Variants in LTN1 observed in about 807,000 individuals in gnomAD.
LTN1 encodes the protein E3 ubiquitin-protein ligase listerin.
LTN1 carries 88 observed loss-of-function variants against 201.2 expected under a neutral mutation model. That is an observed-to-expected ratio of 0.44 (90% confidence interval 0.37 to 0.52). The LOEUF is 0.52. Ranked by LOEUF, LTN1 falls within the 20% of genes least tolerant of loss-of-function variation. The pLI, the probability that LTN1 is intolerant of heterozygous loss-of-function variation, is 0.00. For synonymous variants in LTN1, 645 were observed against 713.5 expected (o/e 0.90, Z 1.53); for missense variants, 1,752 against 2,038.7 (o/e 0.86, Z 2.71).
chr21:28,956,987 C>G (rs765777079), intron 15 of LTN1, 39 bp from the exon 16 acceptor site: 55 of 1,264,650 alleles, frequency 4.3e-5, no homozygotes, highest in Non-Finnish European at 8.7e-6. Flanking sequence ...TTATTTATTA[C>G]CTAAGCAATT....
intron 26 of LTN1, among the ~76,000 whole-genome samples, chr21:28,935,668 G>T (rs1185782469): frequency 6.6e-6 from 1 of 151,832 alleles, no homozygotes; most frequent in Non-Finnish European, 1.5e-5. Context: ...GTGAAACCCC[G>T]TCTCTACTAA....
intron 11 of LTN1, chr21:28,961,540 GA>G (rs1003787025): frequency 1.8e-3 from 286 of 156,200 alleles, no homozygotes; most frequent in Non-Finnish European, 2.7e-4. Flanking sequence ...CAATCTGGAA[GA>G]AAAAAAAAAA....
At chr21:28,931,656 C>G (rs1189946633) in intron 28 of LTN1, among the ~76,000 whole-genome samples, 1 of 152,188 alleles carries the variant, frequency 6.6e-6, no homozygotes, top group Non-Finnish European at 1.5e-5. Context: ...ATGAAATTAT[C>G]TCAAATGATT....
chr21:28,950,961 T>C (rs1454590735), intron 18 of LTN1, among the ~76,000 whole-genome samples: 2 of 152,180 alleles, frequency 1.3e-5, no homozygotes, highest in African/African-American at 4.8e-5. Flanking sequence ...AATGAAACTG[T>C]TCTGGACTTG....
intron 10 of LTN1, 151 bp from the exon 11 acceptor site, chr21:28,966,057 G>A (rs893473493): frequency 2.1e-5 from 13 of 610,980 alleles, no homozygotes; most frequent in African/African-American, 5.7e-5. Context: ...ACATGCATGC[G>A]CCAACATGCC....
Position 28,931,327 on chromosome 21 carries a change from T to C in LTN1, c.5071-5A>G. The C allele has an allele frequency of 6.4e-7, 1 of 1,566,178 alleles. No homozygotes were observed. Among genetic ancestry groups the C allele is most frequent in the Non-Finnish European group, 8.7e-7 (1 of 1,154,088 alleles). On this transcript the variant is annotated splice_region_variant and splice_polypyrimidine_tract_variant and intron_variant, in intron 28 of 29. Coordinates refer to ENST00000361371, the MANE Select transcript of LTN1 (RefSeq NM_015565.3). ...GCCTTCCATAATACTTCCATTCTGT[T>C]AACAAGAAGAAAAATAAGTCACTAC...
Position 28,930,245 on chromosome 21 carries a change from G to GA in LTN1, c.*202dup, listed in dbSNP as rs2084200441. 2.5e-6 allele frequency: 1 copy of GA among 401,788 alleles called. No individual in the cohort carries two copies. The highest frequency in any genetic ancestry group is 3.7e-5 in the East Asian group (1 of 26,776). 24.9% of individuals were successfully genotyped at this position (401,788 alleles called of 1,614,324 possible). A position where few individuals can be genotyped will look rare whatever the true frequency, so the allele number is the denominator to read the frequency against. On this transcript the variant is annotated 3_prime_UTR_variant, in exon 30 of 30. Coordinates refer to ENST00000361371, the MANE Select transcript of LTN1 (RefSeq NM_015565.3). Reference sequence around the variant, plus strand: ...AAATATGTAATATTCTTTTGTAAAAGAAAGTTTCCAAACATTTACAAAGCA... The same window carrying GA: ...AAATATGTAATATTCTTTTGTAAAAGAAAAGTTTCCAAACATTTACAAAGCA...
Position 28,992,854 on chromosome 21 carries a change from T to G in LTN1, c.-49A>C. The G allele has an allele frequency of 1.2e-6, 2 of 1,613,984 alleles. No homozygotes were observed. Among genetic ancestry groups the G allele is most frequent in the Non-Finnish European group, 1.7e-6 (2 of 1,179,942 alleles). On this transcript the variant is annotated 5_prime_UTR_variant, in exon 1 of 30. Coordinates refer to ENST00000361371, the MANE Select transcript of LTN1 (RefSeq NM_015565.3). ...GAGCACTCAGACCCCGGTTGACACG[T>G]CCGGGACACAACTTCCGGCTTCTGG...
At chr21:28,937,699 T>C (rs2084267064) in intron 25 of LTN1, among the ~76,000 whole-genome samples, 1 of 152,154 alleles carries the variant, frequency 6.6e-6, no homozygotes, top group Non-Finnish European at 1.5e-5. Context: ...CTCCATAATC[T>C]AAAACTTGTT....
intron 18 of LTN1, among the ~76,000 whole-genome samples, chr21:28,948,276 T>C (rs1232634085): frequency 6.7e-6 from 1 of 148,472 alleles, no homozygotes; most frequent in Non-Finnish European, 1.5e-5. Context: ...CTTTCTTTTT[T>C]TTTTTTTTTT....
Position 28,944,524 on chromosome 21 carries a change from C to A in LTN1, c.3841G>T (p.Ala1281Ser). Residue 1281 changes from alanine to serine, a missense_variant, in exon 22 of 30, where the codon GCC becomes TCC. Transcript: ENST00000361371. Reference protein sequence around the residue: ...QLFACVSCDLACDLSAFFDST... With the variant: ...QLFACVSCDLSCDLSAFFDST... ...TCAAAGAAAGCACTGAGGTCACAGG[C>A]CAAATCACAGCTGACACAGGCAAAC... 2.5e-6 allele frequency: 4 copies of A among 1,613,936 alleles called. No homozygotes were observed. Among genetic ancestry groups the A allele is most frequent in the Non-Finnish European group, 3.4e-6 (4 of 1,179,962 alleles).
In LTN1 at chr21:28,944,560, G is replaced by T. The variant is rs766045698; in HGVS notation, c.3805C>A (p.Leu1269Ile). ...SENQALYSIP[L>I]VQLFACVSCD... is the part of the protein sequence containing the mutation. ...CTGACACAGGCAAACAGTTGCACAAGTGGAATAGAATACAATGCCTGATTC... is the reference window on the plus strand; with the variant it reads ...CTGACACAGGCAAACAGTTGCACAATTGGAATAGAATACAATGCCTGATTC... The change falls in exon 22 of 30, where the codon CTT becomes ATT. Residue 1269 changes from leucine (L) to isoleucine (I), a missense_variant. Coordinates refer to ENST00000361371, the MANE Select transcript of LTN1 (RefSeq NM_015565.3). The T allele has an allele frequency of 6.2e-7, 1 of 1,613,828 alleles. No individual in the cohort carries two copies. The highest frequency in any genetic ancestry group is 8.5e-7 in the Non-Finnish European group (1 of 1,179,878).
chr21:28,962,384 T>C (rs1490328706), intron 11 of LTN1, among the ~76,000 whole-genome samples: 1 of 152,226 alleles, frequency 6.6e-6, no homozygotes, highest in African/African-American at 2.4e-5. Context: ...TGTCACATTT[T>C]GGTAATTCTC....
At chr21:28,980,561 AG>A (rs2084650624) in intron 6 of LTN1, among the ~76,000 whole-genome samples, 1 of 151,254 alleles carries the variant, frequency 6.6e-6, no homozygotes, top group Non-Finnish European at 1.5e-5. Context: ...ATTAAAAAAA[AG>A]AACTACCAAA....
chr21:28,986,452 AC>A lies in LTN1; in HGVS notation c.247-216del. On this transcript the variant is annotated intron_variant, in intron 2 of 29. Transcript: ENST00000361371. The surrounding 1 kb of genome is among the most constrained non-coding windows in gnomAD (Gnocchi z 4.1). ...AAATAAAACATCTACAAACAAAAAA[AC>A]CTCATTTAAAGTTACAAGGTCAAAG... 1 of 680,212 alleles carries A rather than the reference AC, an allele frequency of 1.5e-6. No homozygotes were observed. The highest frequency in any genetic ancestry group is 2.2e-5 in the Admixed American group (1 of 45,952). 42.1% of individuals were successfully genotyped at this position (680,212 alleles called of 1,614,324 possible). A position where few individuals can be genotyped will look rare whatever the true frequency, so the allele number is the denominator to read the frequency against.
At chr21:28,983,225 G>A (rs1203145469) in intron 4 of LTN1, among the ~76,000 whole-genome samples, 2 of 152,182 alleles carry the variant, frequency 1.3e-5, no homozygotes, top group Non-Finnish European at 2.9e-5. Flanking sequence ...AAATAAAATG[G>A]AAGAAATAAC....
At chr21:28,931,391 C>A in intron 28 of LTN1, 69 bp from the exon 29 acceptor site, 1 of 899,076 alleles carries the variant, frequency 1.1e-6, no homozygotes, top group Non-Finnish European at 1.6e-6. Context: ...TTCAATTTCA[C>A]AAATTTTAAA....
At chr21:28,944,674 C>T (rs1193763635) in intron 21 of LTN1, 78 bp from the exon 22 acceptor site, 1 of 984,640 alleles carries the variant, frequency 1.0e-6, no homozygotes, top group African/African-American at 1.7e-5. Flanking sequence ...TAAAGAAAAG[C>T]CCCACTTTCA....
intron 16 of LTN1, among the ~76,000 whole-genome samples, chr21:28,954,452 G>A (rs1192993886): frequency 6.6e-6 from 1 of 152,064 alleles, no homozygotes; most frequent in East Asian, 1.9e-4. Context: ...AATTTGCTGA[G>A]GCCCTAAGTC....
Sources: allele counts gnomAD v4.1 joint callset (sites outside exome capture counted in the v4.1 genomes callset), GRCh38; gene constraint gnomAD v4.1.1; non-coding constraint Gnocchi (gnomAD v3.1); transcripts MANE v1.5; gene names NCBI Gene and HGNC (gene_info 2026-07-23, HGNC 2026-07-21).